Variants in CADM1 observed in about 807,000 individuals in gnomAD.
CADM1 encodes the protein TSLC-1.
In CADM1, 15 loss-of-function variants were observed where a neutral mutation model predicts 53.1. The observed-to-expected ratio is 0.28, with a 90% CI of 0.19 to 0.44. CADM1 has a LOEUF of 0.44. Among genes scored for constraint, CADM1 ranks in the 20% least tolerant of loss-of-function variants. The probability of loss-of-function intolerance (pLI) is 1.00; values close to 1 mark genes in which losing one functional copy is unlikely to be tolerated. For synonymous variants in CADM1, 281 were observed against 243.0 expected (o/e 1.16, Z -1.45); for missense variants, 434 against 611.3 (o/e 0.71, Z 3.06).
chr11:115,394,916 A>G (rs765007175), intron 1 of CADM1, among the ~76,000 whole-genome samples: 1 of 152,196 alleles, frequency 6.6e-6, no homozygotes, highest in African/African-American at 2.4e-5. Context: ...TCCAAAAGAA[A>G]GGGAAAAATT....
intron 1 of CADM1, among the ~76,000 whole-genome samples, chr11:115,401,279 C>T (rs1204368027): frequency 1.3e-5 from 2 of 152,212 alleles, no homozygotes; most frequent in Non-Finnish European, 2.9e-5. Context: ...AGCTATATAA[C>T]ATCCTGGAAA....
At chr11:115,324,253 C>G (rs1944901152) in intron 1 of CADM1, among the ~76,000 whole-genome samples, 1 of 152,204 alleles carries the variant, frequency 6.6e-6, no homozygotes, top group Non-Finnish European at 1.5e-5. Flanking sequence ...TTCCTTTAGA[C>G]TTCTCTGAAC....
chr11:115,224,627 C>T (rs920034520), intron 5 of CADM1, among the ~76,000 whole-genome samples: 3 of 152,096 alleles, frequency 2.0e-5, no homozygotes, highest in African/African-American at 4.8e-5. Context: ...AATTCAAGAG[C>T]TTCATATTCA....
At chr11:115,453,076 C>T (rs1948609203) in intron 1 of CADM1, among the ~76,000 whole-genome samples, 1 of 152,032 alleles carries the variant, frequency 6.6e-6, no homozygotes, top group Admixed American at 6.6e-5. Context: ...ATTCTGGCCT[C>T]ATAGAAAAGG....
At chr11:115,423,253 G>A (rs999192026) in intron 1 of CADM1, among the ~76,000 whole-genome samples, 2 of 152,060 alleles carry the variant, frequency 1.3e-5, no homozygotes, top group African/African-American at 2.4e-5. Flanking sequence ...TGATGTGACC[G>A]TATTTACAAA....
chr11:115,272,912 A>T (rs989225506), intron 1 of CADM1, among the ~76,000 whole-genome samples: 3 of 152,138 alleles, frequency 2.0e-5, no homozygotes, highest in African/African-American at 7.2e-5. Context: ...AAAAATTTAA[A>T]AAAAAAGCAA....
intron 1 of CADM1, among the ~76,000 whole-genome samples, chr11:115,281,729 A>G (rs1299838485): frequency 6.6e-6 from 1 of 152,242 alleles, no homozygotes; most frequent in Non-Finnish European, 1.5e-5. Flanking sequence ...GAAATACATG[A>G]GCTGTCTATA....
chr11:115,455,415 A>G (rs1170107341), intron 1 of CADM1, among the ~76,000 whole-genome samples: 4 of 151,904 alleles, frequency 2.6e-5, no homozygotes, highest in South Asian at 4.1e-4. Flanking sequence ...ATATATATAT[A>G]TAGAGAGAGA....
intron 1 of CADM1, among the ~76,000 whole-genome samples, chr11:115,493,329 A>C (rs1258143495): frequency 6.6e-6 from 1 of 151,746 alleles, no homozygotes; most frequent in Non-Finnish European, 1.5e-5. Context: ...GCTCTTCTTT[A>C]TTCAGAAATG....
intron 1 of CADM1, among the ~76,000 whole-genome samples, chr11:115,495,834 C>T (rs1326498835): frequency 6.6e-6 from 1 of 152,110 alleles, no homozygotes; most frequent in South Asian, 2.1e-4. Context: ...TAGGTAACTA[C>T]ACGCACCAGA....
At chr11:115,314,595 A>C (rs1284639060) in intron 1 of CADM1, among the ~76,000 whole-genome samples, 1 of 152,144 alleles carries the variant, frequency 6.6e-6, no homozygotes, top group African/African-American at 2.4e-5. Context: ...TGAAAGATTT[A>C]TTTTAGGTGG....
At chr11:115,362,306 C>A (rs553014619) in intron 1 of CADM1, among the ~76,000 whole-genome samples, 25 of 152,172 alleles carry the variant, frequency 1.6e-4, no homozygotes, top group Admixed American at 1.4e-3. Context: ...TATCTTATAC[C>A]ACTGAGAGTT....
intron 1 of CADM1, among the ~76,000 whole-genome samples, chr11:115,487,775 G>C (rs1949408605): frequency 6.6e-6 from 1 of 152,124 alleles, no homozygotes; most frequent in Non-Finnish European, 1.5e-5. Context: ...TTTTAAATAG[G>C]ATGCTTGAAG....
Position 115,169,820 on chromosome 11 carries a change from G to C in CADM1, c.*6654C>G. The C allele has an allele frequency of 3.4e-6, 1 of 291,612 alleles. No individual in the cohort carries two copies. The highest frequency in any genetic ancestry group is 3.0e-5 in the South Asian group (1 of 33,062). The allele number at this position is 291,612 out of a possible 1,614,324, so 18.1% of individuals were successfully genotyped here. On this transcript the variant is annotated 3_prime_UTR_variant, in exon 12 of 12. Coordinates refer to ENST00000331581, the MANE Select transcript of CADM1 (RefSeq NM_001301043.2). ...AGCATCCATTGCAGGTTTAAACGATGAAATACACAACTACAGAGAAAACAA... is the reference window on the plus strand; with the variant it reads ...AGCATCCATTGCAGGTTTAAACGATCAAATACACAACTACAGAGAAAACAA...
intron 1 of CADM1, among the ~76,000 whole-genome samples, chr11:115,401,606 T>TCAG (rs1369363959): frequency 6.6e-6 from 1 of 150,582 alleles, no homozygotes; most frequent in East Asian, 2.0e-4. Flanking sequence ...AGATTCCATC[T>TCAG]CAGCAACAAC....
chr11:115,229,831 T>C (rs985099095), intron 4 of CADM1, among the ~76,000 whole-genome samples: 4 of 152,192 alleles, frequency 2.6e-5, no homozygotes, highest in African/African-American at 9.7e-5. Flanking sequence ...ATTGAAATTG[T>C]AATTGAAATG....
At chr11:115,412,532 G>C (rs1327660944) in intron 1 of CADM1, among the ~76,000 whole-genome samples, 2 of 152,116 alleles carry the variant, frequency 1.3e-5, no homozygotes, top group African/African-American at 2.4e-5. Flanking sequence ...ATTCAAAATT[G>C]CTTGTCTATA....
intron 1 of CADM1, among the ~76,000 whole-genome samples, chr11:115,401,585 G>A (rs1947157261): frequency 6.6e-6 from 1 of 151,956 alleles, no homozygotes. Context: ...TCCAGCCTAG[G>A]TGACAGAGCA....
chr11:115,420,128 A>C (rs934091049), intron 1 of CADM1, among the ~76,000 whole-genome samples: 1 of 152,210 alleles, frequency 6.6e-6, no homozygotes, highest in Non-Finnish European at 1.5e-5. Flanking sequence ...AGAAGCAGGC[A>C]TATTTCTTAA....
Sources: gnomAD v4.1 joint callset for allele counts (sites outside exome capture counted in the v4.1 genomes callset) on GRCh38, gnomAD v4.1.1 for gene constraint, MANE v1.5 for transcripts, NCBI Gene and HGNC (gene_info 2026-07-23, HGNC 2026-07-21) for gene names.